GRIK4: variants seen among roughly 807,000 people sequenced by gnomAD.
GRIK4 encodes glutamate receptor ionotropic, kainate 4.
Under a neutral mutation model 104.9 loss-of-function variants are expected in GRIK4, and 40 were observed. That is an observed-to-expected ratio of 0.38 (90% CI 0.30 to 0.50). GRIK4 has a LOEUF of 0.50. Ranked by LOEUF, GRIK4 falls within the 20% of genes least tolerant of loss-of-function variation. The pLI is 0.93. For missense variants in GRIK4, 1,047 were observed against 1,308.1 expected, an observed-to-expected ratio of 0.80 and a Z score of 3.08; for synonymous variants, 485 against 524.9, an observed-to-expected ratio of 0.92 and a Z score of 1.04.
At position 120,719,932 on chromosome 11, in the gene GRIK4, G is replaced by C. The variant is rs140434632; in HGVS notation, c.82+59532G>C. Among the ~76,000 whole-genome samples, 373 of 151,746 alleles carry C rather than the reference G, an allele frequency of 2.5e-3. 2 individuals carry two copies. Among genetic ancestry groups the C allele is most frequent in the African/African-American group, 8.6e-3 (357 of 41,348 alleles). ...CCGAGAAAAGAGGCTGAGAGCTAAC[G>C]GCTTAAATGTTAGGAACCTTTGTTC... On this transcript the variant is annotated intron_variant, in intron 3 of 20. Coordinates refer to ENST00000527524, the MANE Select transcript of GRIK4 (RefSeq NM_014619.5).
intron 3 of GRIK4, among the ~76,000 whole-genome samples, chr11:120,725,690 A>G (rs1280273403): frequency 6.6e-6 from 1 of 152,156 alleles, no homozygotes; most frequent in Non-Finnish European, 1.5e-5. Context: ...AATAACTCAG[A>G]TAAAACAAAC....
At chr11:120,876,361 TCACTACCACTAC>T in intron 11 of GRIK4, among the ~76,000 whole-genome samples, 1 of 786 alleles carries the variant, frequency 1.3e-3, no homozygotes, top group African/African-American at 5.1e-3. Context: ...ACCACCCTCA[TCACTACCACTAC>T]CATCACCACC....
intron 20 of GRIK4, among the ~76,000 whole-genome samples, chr11:120,982,691 C>A (rs1009191236): frequency 1.3e-5 from 2 of 152,180 alleles, no homozygotes; most frequent in African/African-American, 4.8e-5. Context: ...CACTCTTCTT[C>A]CAACCCACCC....
intron 3 of GRIK4, among the ~76,000 whole-genome samples, chr11:120,800,011 C>CTTT (rs527634022): frequency 7.2e-6 from 1 of 139,470 alleles, no homozygotes; most frequent in Non-Finnish European, 1.6e-5. Flanking sequence ...CCATGCCTGG[C>CTTT]TTTTTTTTTT....
At chr11:120,580,321 A>C (rs550136703) in intron 1 of GRIK4, among the ~76,000 whole-genome samples, 4 of 148,696 alleles carry the variant, frequency 2.7e-5, no homozygotes, top group African/African-American at 7.5e-5. Context: ...TGTCACCCAC[A>C]CTGGAGTGCA....
intron 8 of GRIK4, among the ~76,000 whole-genome samples, chr11:120,842,822 A>G (rs1953750803): frequency 6.6e-6 from 1 of 152,236 alleles, no homozygotes; most frequent in Non-Finnish European, 1.5e-5. Flanking sequence ...GACATAAAGA[A>G]TTAAGGGCCT....
At chr11:120,771,530 A>G (rs1273610182) in intron 3 of GRIK4, among the ~76,000 whole-genome samples, 1 of 152,242 alleles carries the variant, frequency 6.6e-6, no homozygotes, top group Non-Finnish European at 1.5e-5. Flanking sequence ...AGAACTTACA[A>G]TCAAAGGGAA....
At chr11:120,842,360 C>T (rs12279279) in intron 8 of GRIK4, among the ~76,000 whole-genome samples, 8,970 of 152,190 alleles carry the variant, frequency 0.059, 867 homozygotes, top group African/African-American at 0.2. Context: ...CTGGAAGTGA[C>T]ACGTATTATT....
At chr11:120,769,108 C>T (rs757644271) in intron 3 of GRIK4, among the ~76,000 whole-genome samples, 7 of 151,996 alleles carry the variant, frequency 4.6e-5, no homozygotes, top group Non-Finnish European at 7.4e-5. Flanking sequence ...TTTAAGAAGC[C>T]CTGGTAGTAA....
chr11:120,960,925 A>C lies in GRIK4; in HGVS notation c.1891A>C (p.Ile631Leu). ...VSGVWWAFTLIIISSYTANLA... is the reference protein window; with the variant it reads ...VSGVWWAFTLLIISSYTANLA... ...CCTACATAGGTGGGCATTCACGCTG[A>C]TCATCATCTCATCCTACACGGCCAA... The change falls in exon 17 of 21, where the codon ATC (isoleucine) becomes CTC (leucine). Residue 631 changes from isoleucine (I) to leucine (L), a missense_variant. Around this residue, in one of 3 missense-constraint regions of GRIK4, gnomAD observed 440 missense variants for 652.3 expected, o/e 0.67. Coordinates refer to ENST00000527524, the MANE Select transcript of GRIK4 (RefSeq NM_014619.5). 6.2e-7 allele frequency: 1 copy of C among 1,613,698 alleles called. No homozygotes were observed. The highest frequency in any genetic ancestry group is 2.2e-5 in the East Asian group (1 of 44,856).
At chr11:120,609,253 G>C (rs1297860821) in intron 1 of GRIK4, among the ~76,000 whole-genome samples, 1 of 151,928 alleles carries the variant, frequency 6.6e-6, no homozygotes, top group Non-Finnish European at 1.5e-5. Context: ...GTCGAAGACA[G>C]TTCTGGGCTT....
intron 1 of GRIK4, among the ~76,000 whole-genome samples, chr11:120,517,005 T>A (rs542821014): frequency 7.7e-6 from 1 of 129,286 alleles, no homozygotes; most frequent in African/African-American, 3.3e-5. Flanking sequence ...GCTTAAGGCA[T>A]CTCGCGTGCC....
At chr11:120,841,019 C>T (rs1272215839) in intron 8 of GRIK4, among the ~76,000 whole-genome samples, 3 of 152,194 alleles carry the variant, frequency 2.0e-5, no homozygotes, top group Non-Finnish European at 4.4e-5. Flanking sequence ...TTATTTCACT[C>T]AGCATAATGT....
At chr11:120,806,957 A>G (rs1431990794) in intron 4 of GRIK4, among the ~76,000 whole-genome samples, 1 of 152,164 alleles carries the variant, frequency 6.6e-6, no homozygotes, top group Non-Finnish European at 1.5e-5. Flanking sequence ...AGATTTTCAT[A>G]TAATGGGTTT....
In GRIK4 at chr11:120,831,962, C is replaced by T. The variant is rs143215135; in HGVS notation, c.622C>T (p.Arg208Trp). Residue 208 changes from arginine to tryptophan, a missense_variant, in exon 7 of 21, where the codon CGG becomes TGG. Around this residue, in one of 3 missense-constraint regions of GRIK4, gnomAD observed 447 missense variants for 514.9 expected, o/e 0.87. Coordinates refer to ENST00000527524, the MANE Select transcript of GRIK4 (RefSeq NM_014619.5). ...RDPTPLLKEIRDDKTATIIIH... is the reference protein window; with the variant it reads ...RDPTPLLKEIWDDKTATIIIH... ...CCCCACCCCGCTCCTCAAGGAGATC[C>T]GGGACGACAAGACCGCCACCATCAT... 20 of 1,613,790 alleles carry T rather than the reference C, an allele frequency of 1.2e-5. No individual in the cohort carries two copies. The highest frequency in any genetic ancestry group is 4.0e-5 in the African/African-American group (3 of 74,876).
intron 3 of GRIK4, among the ~76,000 whole-genome samples, chr11:120,713,492 TA>T (rs1173210322): frequency 6.6e-6 from 1 of 152,240 alleles, no homozygotes; most frequent in Non-Finnish European, 1.5e-5. Context: ...TGTCATGTTG[TA>T]ATTGGCAAAT....
chr11:120,801,588 T>C (rs1952621984), intron 3 of GRIK4, among the ~76,000 whole-genome samples: 1 of 152,248 alleles, frequency 6.6e-6, no homozygotes, highest in Admixed American at 6.5e-5. Context: ...CTGTTATTTT[T>C]TATTGTTGAG....
intron 13 of GRIK4, among the ~76,000 whole-genome samples, chr11:120,914,918 A>G (rs1943074480): frequency 6.6e-6 from 1 of 152,148 alleles, no homozygotes; most frequent in Non-Finnish European, 1.5e-5. Flanking sequence ...ATGGGGTCTG[A>G]ATTAAGCAGT....
intron 1 of GRIK4, among the ~76,000 whole-genome samples, chr11:120,537,645 C>T (rs1484888280): frequency 2.0e-5 from 3 of 152,206 alleles, no homozygotes; most frequent in South Asian, 2.1e-4. Flanking sequence ...GCTCTGCACC[C>T]GCCTATGTAG....
Sources: allele counts gnomAD v4.1 joint callset (sites outside exome capture counted in the v4.1 genomes callset), GRCh38; gene constraint gnomAD v4.1.1; regional missense constraint gnomAD v4.1.1; transcripts MANE v1.5; gene names NCBI Gene and HGNC (gene_info 2026-07-23, HGNC 2026-07-21).